The following SLC9A8 variants were observed in gnomAD, a reference collection of about 807,000 sequenced individuals.
SLC9A8 encodes the protein sodium/hydrogen exchanger 8.
In SLC9A8, 48 loss-of-function variants were observed where a neutral mutation model predicts 66.6. That is an observed-to-expected ratio of 0.72 (90% CI 0.57 to 0.92). The LOEUF is 0.92. SLC9A8 is among the 40% of genes least tolerant of loss of function. The pLI is 0.00. For synonymous variants in SLC9A8, 274 were observed against 282.6 expected (o/e 0.97, Z 0.31); for missense variants, 599 against 747.3 (o/e 0.80, Z 2.31).
chr20:49,872,731 C>T (rs191052437), intron 10 of SLC9A8, among the ~76,000 whole-genome samples: 11 of 152,214 alleles, frequency 7.2e-5, no homozygotes, highest in African/African-American at 2.2e-4. Flanking sequence ...GTGATTCACC[C>T]GCCTCGGCCT....
chr20:49,824,556 T>C (rs2086849789), intron 3 of SLC9A8, among the ~76,000 whole-genome samples: 1 of 152,224 alleles, frequency 6.6e-6, no homozygotes, highest in Non-Finnish European at 1.5e-5. Context: ...ATTTAGATAT[T>C]ATACACATGA....
chr20:49,852,710 A>G (rs1382561799), intron 7 of SLC9A8, among the ~76,000 whole-genome samples: 2 of 152,202 alleles, frequency 1.3e-5, no homozygotes, highest in East Asian at 1.9e-4. Flanking sequence ...GTCTTTCCAT[A>G]CAGACCTCTC....
At chr20:49,834,592 A>T (rs6095681) in intron 3 of SLC9A8, among the ~76,000 whole-genome samples, 95,037 of 150,486 alleles carry the variant, frequency 0.63, 31,324 homozygotes, top group African/African-American at 0.8. Context: ...TGACCTAACT[A>T]TGAGCCTCAA....
chr20:49,824,921 A>T (rs1483794277), intron 3 of SLC9A8, among the ~76,000 whole-genome samples: 1 of 152,176 alleles, frequency 6.6e-6, no homozygotes, highest in Non-Finnish European at 1.5e-5. Context: ...GGGAAGCGTG[A>T]TGAGGTAGTG....
At chr20:49,882,997 T>TGCCCCCCCCCACCCCCC (rs2089686657) in intron 13 of SLC9A8, among the ~76,000 whole-genome samples, 1 of 146,778 alleles carries the variant, frequency 6.8e-6, no homozygotes, top group African/African-American at 2.5e-5. Flanking sequence ...GTCTGCACCA[T>TGCCCCCCCCCACCCCCC]GCCCCCCCCC....
At chr20:49,854,521 C>T (rs1252078428) in intron 7 of SLC9A8, among the ~76,000 whole-genome samples, 1 of 150,954 alleles carries the variant, frequency 6.6e-6, no homozygotes, top group Non-Finnish European at 1.5e-5. Context: ...CACACCCCCA[C>T]CCCACCTTCC....
At chr20:49,868,514 TCA>T (rs2089067409) in intron 10 of SLC9A8, among the ~76,000 whole-genome samples, 1 of 152,194 alleles carries the variant, frequency 6.6e-6, no homozygotes, top group Admixed American at 6.5e-5. Context: ...TTCCTGACTA[TCA>T]CAAAGGACTG....
At chr20:49,851,259 A>G (rs930353298) in intron 7 of SLC9A8, among the ~76,000 whole-genome samples, 3 of 152,184 alleles carry the variant, frequency 2.0e-5, no homozygotes, top group Non-Finnish European at 4.4e-5. Context: ...ATTCCCACGA[A>G]GCCTGTGGTG....
Position 49,887,832 on chromosome 20 carries a change from C to T in SLC9A8, c.1642C>T (p.Leu548=), listed in dbSNP as rs1341115519. ...TTGGTTGTGTCTCTCGACCCAGGAC[C>T]TGCACCACGGGCGCATCCAGATGAA... The part of the protein sequence containing the change: ...FFTRRLTQED[L]HHGRIQMKTL... The change falls in exon 16 of 16, where the codon CTG becomes TTG. Residue 548 remains leucine, a synonymous_variant. Transcript: ENST00000361573. 1.9e-6 allele frequency: 3 copies of T among 1,603,742 alleles called. No homozygotes were observed. In the African/African-American group the frequency reaches 4.0e-5, roughly 21 times the overall value.
Position 49,848,044 on chromosome 20 carries a change from G to A in SLC9A8, c.433-1535G>A, listed in dbSNP as rs6095685. On this transcript the variant is annotated intron_variant, in intron 5 of 15. Transcript: ENST00000361573. ...GGGTTCAAGCGATTCTCCTGCCTCA[G>A]CCTCCCGAGTAGCTGGGATTACAGG... is the stretch of plus-strand genomic sequence containing the variant. Among the ~76,000 whole-genome samples, 59 of 151,744 alleles carry A rather than the reference G, an allele frequency of 3.9e-4. 1 individual carries two copies. The South Asian group carries it at 0.012, about 31-fold the overall frequency.
intron 3 of SLC9A8, among the ~76,000 whole-genome samples, chr20:49,828,698 G>GCC (rs1386250376): frequency 6.6e-6 from 1 of 151,742 alleles, no homozygotes. Context: ...AATTACCCAA[G>GCC]CATGGTGGCA....
chr20:49,879,532 C>CAT (rs2089549068), intron 12 of SLC9A8, among the ~76,000 whole-genome samples: 1 of 152,178 alleles, frequency 6.6e-6, no homozygotes, highest in Non-Finnish European at 1.5e-5. Flanking sequence ...TGATTGGAAA[C>CAT]ATTTACTCTT....
chr20:49,815,622 G>A (rs1391825920), intron 2 of SLC9A8, among the ~76,000 whole-genome samples: 3 of 152,072 alleles, frequency 2.0e-5, no homozygotes, highest in Non-Finnish European at 4.4e-5. Flanking sequence ...GTGTATGCCT[G>A]TAATCACAGC....
chr20:49,885,178 C>A (rs987093197), intron 14 of SLC9A8, among the ~76,000 whole-genome samples: 6 of 152,192 alleles, frequency 3.9e-5, no homozygotes, highest in Non-Finnish European at 8.8e-5. Flanking sequence ...GCCCCCACCC[C>A]CTATCTACCA....
At chr20:49,877,948 G>A (rs2089484622) in intron 11 of SLC9A8, 33 bp from the exon 12 acceptor site, 1 of 1,444,754 alleles carries the variant, frequency 6.9e-7, no homozygotes, top group Non-Finnish European at 9.5e-7. Context: ...GAAATCATTG[G>A]GGTTGAATAA....
At chr20:49,882,275 ATTGGCC>A (rs2089654235) in intron 13 of SLC9A8, among the ~76,000 whole-genome samples, 1 of 152,190 alleles carries the variant, frequency 6.6e-6, no homozygotes. Context: ...CGGGGCTGGA[ATTGGCC>A]TTGGCAGGTC....
intron 10 of SLC9A8, among the ~76,000 whole-genome samples, chr20:49,867,070 G>A (rs189111440): frequency 5.3e-5 from 8 of 152,108 alleles, no homozygotes; most frequent in South Asian, 4.1e-4. Flanking sequence ...TGCTAATTCC[G>A]TCATCTCTGT....
intron 10 of SLC9A8, among the ~76,000 whole-genome samples, chr20:49,868,947 T>C (rs2089084787): frequency 6.6e-6 from 1 of 152,228 alleles, no homozygotes; most frequent in Non-Finnish European, 1.5e-5. Context: ...TAATTATAAC[T>C]CAGCAAGCGT....
In SLC9A8 at chr20:49,873,012, G is replaced by A. The variant is rs1258500059; in HGVS notation, c.959-1693G>A. Among the ~76,000 whole-genome samples, 3 of 152,158 alleles carry A rather than the reference G, an allele frequency of 2.0e-5. No homozygotes were observed. In the South Asian group the frequency reaches 6.2e-4, roughly 31 times the overall value. On this transcript the variant is annotated intron_variant, in intron 10 of 15. Coordinates refer to ENST00000361573, the MANE Select transcript of SLC9A8 (RefSeq NM_015266.3). ...GAGAAGAGACCTGTGAGTTCCTCAG[G>A]AGTGACTGAGGGCAGCGGACGAATG... is the stretch of plus-strand genomic sequence containing the variant.
Sources: allele counts gnomAD v4.1 joint callset (sites outside exome capture counted in the v4.1 genomes callset), GRCh38; gene constraint gnomAD v4.1.1; transcripts MANE v1.5; gene names NCBI Gene and HGNC (gene_info 2026-07-23, HGNC 2026-07-21).